The following DCLK1 variants were observed in gnomAD, a reference collection of about 807,000 sequenced individuals.
The protein encoded by DCLK1 is doublecortin like kinase 1.
A neutral mutation model predicts 86.2 loss-of-function variants in DCLK1; 16 were observed. That is an observed-to-expected ratio of 0.19 (90% CI 0.13 to 0.28). The LOEUF (loss-of-function observed/expected upper bound fraction) is 0.28. DCLK1 is among the 10% of genes least tolerant of loss of function. DCLK1 has a pLI of 1.00. For missense variants in DCLK1, 590 were observed against 940.2 expected, an observed-to-expected ratio of 0.63 and a Z score of 4.87; for synonymous variants, 369 against 370.5, an observed-to-expected ratio of 1.00 and a Z score of 0.05.
chr13:35,866,521 C>T (rs983740017), intron 5 of DCLK1, among the ~76,000 whole-genome samples: 6 of 149,430 alleles, frequency 4.0e-5, no homozygotes, highest in Non-Finnish European at 7.4e-5. Context: ...TGTGCAATCT[C>T]GACTCACTGC....
At chr13:35,957,014 T>C (rs528173447) in intron 3 of DCLK1, among the ~76,000 whole-genome samples, 1 of 129,486 alleles carries the variant, frequency 7.7e-6, no homozygotes, top group Non-Finnish European at 1.6e-5. Flanking sequence ...CAGTTTATTG[T>C]ATGTTCTTTG....
chr13:36,116,613 T>C (rs9546421), intron 2 of DCLK1, among the ~76,000 whole-genome samples: 27,717 of 152,198 alleles, frequency 0.18, 3,077 homozygotes, highest in East Asian at 0.44. Context: ...CTCATCTCCA[T>C]CCTTCACATT....
intron 3 of DCLK1, among the ~76,000 whole-genome samples, chr13:36,025,693 G>A (rs1882007223): frequency 6.6e-6 from 1 of 152,160 alleles, no homozygotes; most frequent in African/African-American, 2.4e-5. Flanking sequence ...TTAGCAAAGT[G>A]TAAGGCAATT....
At chr13:35,830,436 G>A (rs1005049420) in intron 8 of DCLK1, among the ~76,000 whole-genome samples, 1 of 152,128 alleles carries the variant, frequency 6.6e-6, no homozygotes, top group African/African-American at 2.4e-5. Flanking sequence ...TGATTCACGT[G>A]TGAAGAGATT....
At chr13:36,122,766 T>C (rs1886040462) in intron 2 of DCLK1, among the ~76,000 whole-genome samples, 1 of 152,228 alleles carries the variant, frequency 6.6e-6, no homozygotes, top group African/African-American at 2.4e-5. Context: ...ACCTTTGGAA[T>C]GCTCTTAAGT....
intron 3 of DCLK1, among the ~76,000 whole-genome samples, chr13:35,984,897 G>GCA (rs10598942): frequency 0.015 from 2,233 of 148,252 alleles, 33 homozygotes; most frequent in African/African-American, 0.034. Flanking sequence ...GCGTGCGCAT[G>GCA]CACACACACA....
At chr13:35,883,479 G>A (rs1186670407) in intron 4 of DCLK1, among the ~76,000 whole-genome samples, 1 of 152,172 alleles carries the variant, frequency 6.6e-6, no homozygotes, top group Non-Finnish European at 1.5e-5. Context: ...AGTAGCTTGA[G>A]GCCCTCAGCA....
At chr13:35,988,271 C>A (rs1046271306) in intron 3 of DCLK1, among the ~76,000 whole-genome samples, 2 of 152,330 alleles carry the variant, frequency 1.3e-5, no homozygotes, top group South Asian at 2.1e-4. Flanking sequence ...GCCCCTGCAG[C>A]GGGGACCCCA....
intron 4 of DCLK1, among the ~76,000 whole-genome samples, chr13:35,875,150 A>G (rs992844346): frequency 2.0e-5 from 3 of 152,228 alleles, no homozygotes; most frequent in African/African-American, 7.2e-5. Context: ...TATGCAACAC[A>G]TTGTTGTTAA....
chr13:36,054,169 C>G (rs1883218676), intron 3 of DCLK1, among the ~76,000 whole-genome samples: 1 of 152,092 alleles, frequency 6.6e-6, no homozygotes, highest in African/African-American at 2.4e-5. Flanking sequence ...TTGGCTGGGG[C>G]AAAGGCTTGG....
intron 15 of DCLK1, 137 bp downstream of exon 15, chr13:35,805,562 G>C (rs2087007694): frequency 1.2e-6 from 1 of 812,432 alleles, no homozygotes; most frequent in African/African-American, 1.7e-5. Context: ...GCCTCCCAAA[G>C]GGCTGAGATT....
At chr13:35,872,656 G>A (rs1038269463) in intron 4 of DCLK1, among the ~76,000 whole-genome samples, 8 of 152,134 alleles carry the variant, frequency 5.3e-5, no homozygotes, top group African/African-American at 1.4e-4. Flanking sequence ...AATATTTACC[G>A]ACCCTTTTCT....
chr13:36,097,255 G>GGAAC (rs1391108881), intron 3 of DCLK1, among the ~76,000 whole-genome samples: 2 of 152,216 alleles, frequency 1.3e-5, no homozygotes, highest in Non-Finnish European at 2.9e-5. Flanking sequence ...TGCAGATGAA[G>GGAAC]GAACTTTCTT....
intron 4 of DCLK1, among the ~76,000 whole-genome samples, chr13:35,933,881 T>G (rs1008741179): frequency 5.3e-5 from 8 of 152,262 alleles, no homozygotes; most frequent in Admixed American, 1.3e-4. Flanking sequence ...CTTGAATTTC[T>G]CCTCAGAAAA....
intron 15 of DCLK1, among the ~76,000 whole-genome samples, chr13:35,797,457 T>C (rs2086835187): frequency 1.3e-5 from 2 of 152,198 alleles, no homozygotes; most frequent in African/African-American, 4.8e-5. Context: ...CTCTTTCAGA[T>C]ACTGGGGCCT....
chr13:35,887,029 A>G (rs1873310841), intron 4 of DCLK1, among the ~76,000 whole-genome samples: 1 of 152,206 alleles, frequency 6.6e-6, no homozygotes, highest in African/African-American at 2.4e-5. Flanking sequence ...AACTGCCCTA[A>G]ATGTTAGCTT....
At chr13:35,823,829 G>A (rs1361509048) in intron 10 of DCLK1, among the ~76,000 whole-genome samples, 1 of 152,196 alleles carries the variant, frequency 6.6e-6, no homozygotes, top group Non-Finnish European at 1.5e-5. Context: ...GCCCCTGTAG[G>A]CTGATGATTT....
At chr13:35,867,963 A>AAGAAAGAAAGAAAGAAAGAAAGAAAGAG (rs796441369) in intron 5 of DCLK1, among the ~76,000 whole-genome samples, 73 of 135,178 alleles carry the variant, frequency 5.4e-4, no homozygotes, top group Admixed American at 1.3e-3. Flanking sequence ...GAAAGAAAGA[A>AAGAAAGAAAGAAAGAAAGAAAGAAAGAG]AGAGAAAAAG....
intron 16 of DCLK1, among the ~76,000 whole-genome samples, chr13:35,782,657 T>G (rs942144087): frequency 1.3e-5 from 2 of 152,314 alleles, no homozygotes; most frequent in South Asian, 4.1e-4. Context: ...AGTGAAAAAA[T>G]GGTCCCTTCT....
Sources: allele counts gnomAD v4.1 joint callset (sites outside exome capture counted in the v4.1 genomes callset), GRCh38; gene constraint gnomAD v4.1.1; transcripts MANE v1.5; gene names NCBI Gene and HGNC (gene_info 2026-07-23, HGNC 2026-07-21).